RPS6KC1: variants seen among roughly 807,000 people sequenced by gnomAD.
The protein encoded by RPS6KC1 is ribosomal protein S6 kinase C1, also known as inactive ribosomal protein S6 kinase delta-1.
Under a neutral mutation model 103.8 loss-of-function variants are expected in RPS6KC1, and 54 were observed. The ratio of observed to expected loss-of-function variants is 0.52; its 90% CI spans 0.42 to 0.65. The LOEUF (loss-of-function observed/expected upper bound fraction) is 0.65, where lower values mean the gene tolerates loss of function less well. RPS6KC1 is among the 30% of genes least tolerant of loss of function. RPS6KC1 has a pLI of 0.00. For missense variants in RPS6KC1, 1,151 were observed against 1,253.8 expected (o/e 0.92, Z 1.24); for synonymous variants, 439 against 438.7 (o/e 1.00, Z -0.01).
the RPS6KC1 span, among the ~76,000 whole-genome samples, chr1:213,370,890 G>C: frequency 6.6e-6 from 1 of 152,142 alleles, no homozygotes; most frequent in African/African-American, 2.4e-5. Flanking sequence ...TGTCAAACTC[G>C]TGCCCCATGA....
At chr1:213,056,046 C>T (rs936158657) in intron 1 of RPS6KC1, among the ~76,000 whole-genome samples, 1 of 152,138 alleles carries the variant, frequency 6.6e-6, no homozygotes, top group Non-Finnish European at 1.5e-5. Flanking sequence ...ATTGTGGGCA[C>T]AAGCTACCTC....
chr1:213,489,401 G>A, the RPS6KC1 span, among the ~76,000 whole-genome samples: 6 of 152,274 alleles, frequency 3.9e-5, no homozygotes, highest in African/African-American at 9.6e-5. Context: ...GGGACATAAC[G>A]CTTAGGAATC....
chr1:213,608,711 C>T, the RPS6KC1 span, among the ~76,000 whole-genome samples: 1 of 151,822 alleles, frequency 6.6e-6, no homozygotes, highest in Non-Finnish European at 1.5e-5. Context: ...TGTGATTTTC[C>T]ATCTTTTTAA....
the RPS6KC1 span, among the ~76,000 whole-genome samples, chr1:213,391,737 A>C: frequency 2.0e-5 from 3 of 152,244 alleles, no homozygotes; most frequent in East Asian, 1.9e-4. Flanking sequence ...AAATGACAGA[A>C]TATATCACAG....
At chr1:213,674,308 T>C in the RPS6KC1 span, among the ~76,000 whole-genome samples, 711 of 152,266 alleles carry the variant, frequency 4.7e-3, 4 homozygotes, top group African/African-American at 0.016. Flanking sequence ...CATGAGCCAC[T>C]GCACCTGGCT....
At chr1:213,409,426 A>G in the RPS6KC1 span, among the ~76,000 whole-genome samples, 1 of 151,938 alleles carries the variant, frequency 6.6e-6, no homozygotes, top group African/African-American at 2.4e-5. Context: ...ATGAAGACTG[A>G]TCTTTGGCCA....
At chr1:213,685,165 C>A in the RPS6KC1 span, among the ~76,000 whole-genome samples, 1,309 of 152,250 alleles carry the variant, frequency 8.6e-3, 30 homozygotes, top group East Asian at 0.087. Flanking sequence ...TTGTTGTAAC[C>A]AGTTTGAGGA....
At chr1:213,192,641 C>T (rs1024288028) in intron 8 of RPS6KC1, among the ~76,000 whole-genome samples, 1 of 152,012 alleles carries the variant, frequency 6.6e-6, no homozygotes, top group Non-Finnish European at 1.5e-5. Context: ...TCTTGTTTAC[C>T]TTTTCAGAAC....
intron 8 of RPS6KC1, among the ~76,000 whole-genome samples, chr1:213,177,636 A>AG (rs2091959646): frequency 6.6e-6 from 1 of 152,160 alleles, no homozygotes; most frequent in South Asian, 2.1e-4. Flanking sequence ...TCTTTTTTTA[A>AG]GAGCCTGAAA....
intron 6 of RPS6KC1, among the ~76,000 whole-genome samples, chr1:213,160,705 A>G (rs1285769410): frequency 6.6e-6 from 1 of 151,886 alleles, no homozygotes; most frequent in African/African-American, 2.4e-5. Context: ...TTGTAGGGAC[A>G]TGGATGAAGC....
At chr1:213,570,569 A>T in the RPS6KC1 span, among the ~76,000 whole-genome samples, 1 of 152,128 alleles carries the variant, frequency 6.6e-6, no homozygotes, top group Non-Finnish European at 1.5e-5. Flanking sequence ...CCTACGAAAC[A>T]CTTCATTCTT....
At chr1:213,467,924 A>C in the RPS6KC1 span, among the ~76,000 whole-genome samples, 1 of 152,210 alleles carries the variant, frequency 6.6e-6, no homozygotes. Context: ...ATTTTCATTA[A>C]ATGGCTTTCC....
At chr1:213,083,122 T>G (rs548873439) in intron 3 of RPS6KC1, among the ~76,000 whole-genome samples, 207 of 152,170 alleles carry the variant, frequency 1.4e-3, no homozygotes, top group African/African-American at 4.6e-3. Context: ...GCAGAAACAT[T>G]GTTAGCTTGG....
chr1:213,771,208 C>T, the RPS6KC1 span, among the ~76,000 whole-genome samples: 1 of 152,086 alleles, frequency 6.6e-6, no homozygotes, highest in Non-Finnish European at 1.5e-5. Flanking sequence ...GAATAAAGAC[C>T]CTTTCCAGGA....
At chr1:213,719,314 A>C in the RPS6KC1 span, among the ~76,000 whole-genome samples, 2 of 152,216 alleles carry the variant, frequency 1.3e-5, no homozygotes, top group Non-Finnish European at 2.9e-5. Context: ...ACCGGAGTAC[A>C]AGGGTGAGTA....
At chr1:213,761,386 A>G in the RPS6KC1 span, among the ~76,000 whole-genome samples, 1 of 152,212 alleles carries the variant, frequency 6.6e-6, no homozygotes, top group Non-Finnish European at 1.5e-5. Flanking sequence ...TCTCTTTTAC[A>G]GACTTTTGAA....
chr1:213,558,417 C>T, the RPS6KC1 span, among the ~76,000 whole-genome samples: 1 of 152,118 alleles, frequency 6.6e-6, no homozygotes, highest in African/African-American at 2.4e-5. Flanking sequence ...CAGGATGCTG[C>T]CAGCACCTGA....
chr1:213,752,544 G>A, the RPS6KC1 span, among the ~76,000 whole-genome samples: 11 of 152,218 alleles, frequency 7.2e-5, no homozygotes, highest in Admixed American at 2.6e-4. Context: ...TCCCATACTC[G>A]TCCTCCATAA....
chr1:213,762,510 A>T, the RPS6KC1 span, among the ~76,000 whole-genome samples: 6 of 152,352 alleles, frequency 3.9e-5, no homozygotes, highest in East Asian at 1.2e-3. Flanking sequence ...GAACTCTCCT[A>T]TAATAAAGAA....
Sources: allele counts gnomAD v4.1 joint callset (sites outside exome capture counted in the v4.1 genomes callset), GRCh38; gene constraint gnomAD v4.1.1; transcripts MANE v1.5; gene names NCBI Gene and HGNC (gene_info 2026-07-23, HGNC 2026-07-21).